The following CTNNA3 variants were observed in gnomAD, a reference collection of about 807,000 sequenced individuals.
The protein encoded by CTNNA3 is catenin alpha 3.
Under a neutral mutation model 95.7 loss-of-function variants are expected in CTNNA3, and 76 were observed. The ratio of observed to expected loss-of-function variants is 0.79; its 90% CI spans 0.66 to 0.96. The LOEUF is 0.96. Among genes scored for constraint, CTNNA3 ranks in the 40% least tolerant of loss-of-function variants. The pLI, the probability that CTNNA3 is intolerant of heterozygous loss-of-function variation, is 0.00. For synonymous variants in CTNNA3, 431 were observed against 374.4 expected (o/e 1.15, Z -1.74); for missense variants, 1,191 against 1,089.8 (o/e 1.09, Z -1.31).
intron 17 of CTNNA3, among the ~76,000 whole-genome samples, chr10:65,943,199 G>C (rs1399296446): frequency 1.3e-5 from 2 of 152,010 alleles, no homozygotes; most frequent in Admixed American, 6.6e-5. Flanking sequence ...AAGTAGCTGG[G>C]ACTACAGGCG....
At chr10:66,291,622 C>T (rs938430547) in intron 12 of CTNNA3, among the ~76,000 whole-genome samples, 5 of 152,042 alleles carry the variant, frequency 3.3e-5, no homozygotes, top group Admixed American at 6.6e-5. Context: ...GTGCTCTTCC[C>T]ATATTGTATT....
chr10:66,402,589 A>G (rs1259286473), intron 11 of CTNNA3, among the ~76,000 whole-genome samples: 1 of 152,170 alleles, frequency 6.6e-6, no homozygotes, highest in Non-Finnish European at 1.5e-5. Context: ...CCACTTTTTA[A>G]AAGCCTATGG....
chr10:66,754,201 G>C (rs1467933908), intron 9 of CTNNA3, among the ~76,000 whole-genome samples: 1 of 152,152 alleles, frequency 6.6e-6, no homozygotes, highest in Non-Finnish European at 1.5e-5. Context: ...CAGTGGAATA[G>C]AATTGAATCT....
chr10:67,288,803 C>T (rs1042676255), intron 5 of CTNNA3, among the ~76,000 whole-genome samples: 1 of 152,090 alleles, frequency 6.6e-6, no homozygotes, highest in Non-Finnish European at 1.5e-5. Context: ...ACCCATAAAG[C>T]TTCATTCAGG....
chr10:67,336,254 A>G (rs1354223828), intron 5 of CTNNA3, among the ~76,000 whole-genome samples: 5 of 152,144 alleles, frequency 3.3e-5, no homozygotes, highest in Admixed American at 2.6e-4. Flanking sequence ...AAATGACTCT[A>G]AGTGTTCAAA....
At chr10:66,467,097 CT>C (rs150993639) in intron 11 of CTNNA3, among the ~76,000 whole-genome samples, 5,470 of 152,142 alleles carry the variant, frequency 0.036, 345 homozygotes, top group African/African-American at 0.12. Flanking sequence ...AATCTTCTTT[CT>C]CATTGTGTTT....
chr10:67,744,638 C>T (rs1260284959), intron 1 of CTNNA3, among the ~76,000 whole-genome samples: 1 of 150,822 alleles, frequency 6.6e-6, no homozygotes, highest in Non-Finnish European at 1.5e-5. Context: ...GCAACAAAAG[C>T]CAAAATTGAC....
intron 13 of CTNNA3, among the ~76,000 whole-genome samples, chr10:66,248,833 A>G (rs2090439940): frequency 6.6e-6 from 1 of 152,180 alleles, no homozygotes; most frequent in East Asian, 1.9e-4. Flanking sequence ...TATTGGACAG[A>G]TCTTCCAGGC....
intron 5 of CTNNA3, among the ~76,000 whole-genome samples, chr10:67,301,862 G>A (rs1302893879): frequency 1.3e-5 from 2 of 151,894 alleles, no homozygotes; most frequent in Non-Finnish European, 2.9e-5. Context: ...CCAGCTAATC[G>A]GGAGGCTGAG....
At chr10:66,301,104 A>C (rs2091856305) in intron 12 of CTNNA3, among the ~76,000 whole-genome samples, 1 of 152,104 alleles carries the variant, frequency 6.6e-6, no homozygotes, top group African/African-American at 2.4e-5. Flanking sequence ...TGAAAGATAC[A>C]ATATACTGAA....
chr10:66,435,410 TC>T (rs1257018056), intron 11 of CTNNA3, among the ~76,000 whole-genome samples: 1 of 152,096 alleles, frequency 6.6e-6, no homozygotes, highest in African/African-American at 2.4e-5. Context: ...ATCCATTTCT[TC>T]CAGATTTTCT....
intron 1 of CTNNA3, among the ~76,000 whole-genome samples, chr10:67,748,741 T>C (rs1313471995): frequency 6.6e-6 from 1 of 152,138 alleles, no homozygotes; most frequent in Non-Finnish European, 1.5e-5. Context: ...ACGATCAAAT[T>C]CACACATAAC....
intron 11 of CTNNA3, among the ~76,000 whole-genome samples, chr10:66,382,106 G>A (rs972224676): frequency 7.9e-5 from 12 of 152,096 alleles, no homozygotes; most frequent in African/African-American, 2.9e-4. Flanking sequence ...CTCACAAGGG[G>A]TGAGCTGAAG....
intron 7 of CTNNA3, among the ~76,000 whole-genome samples, chr10:66,913,172 G>T (rs948438373): frequency 7.4e-6 from 1 of 135,712 alleles, no homozygotes; most frequent in East Asian, 2.3e-4. Flanking sequence ...CCGGGAGGCG[G>T]AGCTTGCAGT....
chr10:66,030,177 T>C (rs1050827131), intron 15 of CTNNA3, among the ~76,000 whole-genome samples: 1 of 152,186 alleles, frequency 6.6e-6, no homozygotes, highest in Non-Finnish European at 1.5e-5. Flanking sequence ...ATTATTCCTA[T>C]TGAACCACTA....
At chr10:66,874,594 A>G (rs1341266239) in intron 7 of CTNNA3, among the ~76,000 whole-genome samples, 1 of 152,188 alleles carries the variant, frequency 6.6e-6, no homozygotes, top group Non-Finnish European at 1.5e-5. Flanking sequence ...CTATACCCAC[A>G]TGCAGTATGA....
intron 3 of CTNNA3, among the ~76,000 whole-genome samples, chr10:67,597,892 G>T (rs926000628): frequency 6.6e-6 from 1 of 152,120 alleles, no homozygotes; most frequent in African/African-American, 2.4e-5. Context: ...CACTGGTGAG[G>T]GCCCATCTGC....
chr10:67,533,412 G>C (rs533347088), intron 4 of CTNNA3, among the ~76,000 whole-genome samples: 1 of 151,820 alleles, frequency 6.6e-6, no homozygotes, highest in South Asian at 2.1e-4. Flanking sequence ...TGAAACACTT[G>C]AACAGTATCA....
At chr10:66,722,328 A>G in intron 9 of CTNNA3, among the ~76,000 whole-genome samples, 1 of 144,986 alleles carries the variant, frequency 6.9e-6, no homozygotes, top group Non-Finnish European at 1.5e-5. Context: ...CAGTGAGCCT[A>G]GATTGCGACA....
Sources: allele counts gnomAD v4.1 joint callset (sites outside exome capture counted in the v4.1 genomes callset), GRCh38; gene constraint gnomAD v4.1.1; transcripts MANE v1.5; gene names NCBI Gene and HGNC (gene_info 2026-07-23, HGNC 2026-07-21).